Variants in TRIM58 observed in about 807,000 individuals in gnomAD.
TRIM58 encodes tripartite motif containing 58, also known as E3 ubiquitin-protein ligase TRIM58.
In TRIM58, 38 loss-of-function variants were observed where a neutral mutation model predicts 34.1. The observed-to-expected ratio is 1.12, with a 90% CI of 0.86 to 1.46. The LOEUF is 1.46. Among genes scored for constraint, TRIM58 ranks in the 40% most tolerant of loss-of-function variants. TRIM58 has a pLI of 0.00. For missense variants in TRIM58, 677 were observed against 642.0 expected (o/e 1.05, Z -0.59); for synonymous variants, 273 against 275.7 (o/e 0.99, Z 0.10).
intron 3 of TRIM58, among the ~76,000 whole-genome samples, chr1:247,865,803 A>G (rs912873383): frequency 5.3e-5 from 8 of 152,290 alleles, no homozygotes; most frequent in Admixed American, 1.3e-4. Context: ...ACCGACTCCT[A>G]TCTCCTCCCC....
In TRIM58 at chr1:247,860,820, A is replaced by G. The variant is rs530578838; in HGVS notation, c.516+108A>G. Reference sequence around the variant, plus strand: ...TCTCCAGCACTTTTGTTCCATCTCCATATATGCCCAAGAGCACCTCAGAGC... The same window carrying G: ...TCTCCAGCACTTTTGTTCCATCTCCGTATATGCCCAAGAGCACCTCAGAGC... On this transcript the variant is annotated intron_variant, in intron 2 of 5. Coordinates refer to ENST00000366481, the MANE Select transcript of TRIM58 (RefSeq NM_015431.4). The G allele has an allele frequency of 2.7e-5, 22 of 820,076 alleles. No individual in the cohort carries two copies. In the South Asian group the frequency reaches 3.4e-4, roughly 13 times the overall value. The allele number at this position is 820,076 out of a possible 1,614,324, so 50.8% of individuals were successfully genotyped here. A position where few individuals can be genotyped will look rare whatever the true frequency, so the allele number is the denominator to read the frequency against.
intron 5 of TRIM58, among the ~76,000 whole-genome samples, chr1:247,870,989 C>A (rs1463682918): frequency 8.3e-5 from 10 of 120,214 alleles, no homozygotes; most frequent in Admixed American, 5.0e-4. Flanking sequence ...ATCAGAGTCA[C>A]GGCCACCCAT....
chr1:247,862,479 T>C, intron 2 of TRIM58, among the ~76,000 whole-genome samples: 1 of 152,204 alleles, frequency 6.6e-6, no homozygotes, highest in East Asian at 1.9e-4. Context: ...CTTTACAGTA[T>C]TAAATAATGT....
rs114167920 is a variant in TRIM58 at position 247,869,875 on chromosome 1, C to T, written c.871+1812C>T. Among the ~76,000 whole-genome samples, 279 of 152,276 alleles carry T rather than the reference C, an allele frequency of 1.8e-3. 1 individual carries two copies. Among genetic ancestry groups the T allele is most frequent in the African/African-American group, 6.1e-3 (253 of 41,544 alleles). Reference sequence around the variant, plus strand: ...TCGCAGGAGAGTAATGACCCAATAACGCAGTGGGATACAGATGCTTATATA... The same window carrying T: ...TCGCAGGAGAGTAATGACCCAATAATGCAGTGGGATACAGATGCTTATATA... On this transcript the variant is annotated intron_variant, in intron 5 of 5. Coordinates refer to ENST00000366481, the MANE Select transcript of TRIM58 (RefSeq NM_015431.4).
At chr1:247,874,726 T>C (rs141627178) in intron 5 of TRIM58, among the ~76,000 whole-genome samples, 1 of 152,312 alleles carries the variant, frequency 6.6e-6, no homozygotes, top group African/African-American at 2.4e-5. Flanking sequence ...CCATACCATT[T>C]AGTAGCTCAT....
rs1441497480 is a variant in TRIM58, at chr1:247,879,594, C to T, written c.*3105C>T. Among the ~76,000 whole-genome samples the T allele has an allele frequency of 5.9e-5, 9 of 151,858 alleles. No individual in the cohort carries two copies. Among genetic ancestry groups the T allele is most frequent in the Admixed American group, 5.9e-4 (9 of 15,218 alleles). ...CCCTAGAGGATGTGAACCCCCAGGC[C>T]CTAGAGGATCTGAACCCCCATCCCT... On this transcript the variant is annotated 3_prime_UTR_variant, in exon 6 of 6. Transcript: ENST00000366481.
chr1:247,858,967 G>A (rs978444474), intron 1 of TRIM58, among the ~76,000 whole-genome samples: 1 of 151,886 alleles, frequency 6.6e-6, no homozygotes, highest in African/African-American at 2.4e-5. Context: ...GGGTTTCACT[G>A]TGTTGGCCAG....
Position 247,858,258 on chromosome 1 carries a change from C to T in TRIM58, c.420+592C>T, listed in dbSNP as rs188364921. ...GGGATTTGGGGACTTAGGATTCGAA[C>T]ATCCTCAATGAAGAGGTGCTTCATT... On this transcript the variant is annotated intron_variant, in intron 1 of 5. Transcript: ENST00000366481. Among the ~76,000 whole-genome samples the T allele has an allele frequency of 1.4e-3, 208 of 152,238 alleles. 1 individual carries two copies. The highest frequency in any genetic ancestry group is 3.4e-3 in the Middle Eastern group (1 of 294).
Position 247,857,553 on chromosome 1 carries a change from C to G in TRIM58, c.307C>G (p.Leu103Val). The G allele has an allele frequency of 7.9e-7, 1 of 1,273,336 alleles. No homozygotes were observed. The highest frequency in any genetic ancestry group is 9.9e-7 in the Non-Finnish European group (1 of 1,014,268). The allele number at this position is 1,273,336 out of a possible 1,614,324, so 78.9% of individuals were successfully genotyped here. The change falls in exon 1 of 6, where the codon CTG becomes GTG. Residue 103 changes from leucine to valine, a missense_variant. By Grantham distance (32) the Leu-to-Val change is conservative (BLOSUM62 1). Transcript: ENST00000366481. ...GCGATGCGCGCGGCACGGCGAGGAC[C>G]TGAGCCGCTTCTGCGAGGAGGACGA... The part of the protein sequence containing the change: ...ARRCARHGED[L>V]SRFCEEDEAA...
intron 2 of TRIM58, among the ~76,000 whole-genome samples, chr1:247,861,585 T>G (rs1663794141): frequency 6.6e-6 from 1 of 152,198 alleles, no homozygotes; most frequent in East Asian, 1.9e-4. Flanking sequence ...TGATATATAA[T>G]AGGTTATACT....
intron 3 of TRIM58, 101 bp downstream of exon 3, chr1:247,865,036 A>G: frequency 8.9e-7 from 1 of 1,125,084 alleles, no homozygotes; most frequent in South Asian, 1.6e-5. Context: ...TATGTTCTTT[A>G]GGAAAAGGGC....
chr1:247,866,707 A>G (rs1297514414), intron 3 of TRIM58, among the ~76,000 whole-genome samples: 7 of 152,100 alleles, frequency 4.6e-5, no homozygotes, highest in Admixed American at 3.3e-4. Context: ...GGATCAGGTG[A>G]TCCTTGTGCC....
chr1:247,873,897 T>TG (rs1298691861), intron 5 of TRIM58, among the ~76,000 whole-genome samples: 1 of 151,816 alleles, frequency 6.6e-6, no homozygotes, highest in Non-Finnish European at 1.5e-5. Context: ...GTCTGAGAGG[T>TG]GGAGGCTGCA....
chr1:247,874,887 A>G (rs1013686729), intron 5 of TRIM58, among the ~76,000 whole-genome samples: 1 of 152,148 alleles, frequency 6.6e-6, no homozygotes, highest in African/African-American at 2.4e-5. Context: ...GGTTGTTGGC[A>G]TAATACAATT....
At chr1:247,871,348 C>G (rs1234759444) in intron 5 of TRIM58, among the ~76,000 whole-genome samples, 5 of 152,024 alleles carry the variant, frequency 3.3e-5, no homozygotes, top group Non-Finnish European at 7.4e-5. Flanking sequence ...GTCAATAAAG[C>G]CAAAAATATT....
chr1:247,869,285 C>A (rs1219325897), intron 5 of TRIM58, among the ~76,000 whole-genome samples: 1 of 152,218 alleles, frequency 6.6e-6, no homozygotes, highest in African/African-American at 2.4e-5. Context: ...ACCAACCCAC[C>A]CTTAAGCCCC....
chr1:247,869,527 C>T (rs1384540439), intron 5 of TRIM58, among the ~76,000 whole-genome samples: 2 of 152,268 alleles, frequency 1.3e-5, no homozygotes, highest in Admixed American at 6.5e-5. Context: ...ACACACTTCA[C>T]AGTATCATAG....
At chr1:247,864,648 C>T in intron 2 of TRIM58, 57 bp from the exon 3 acceptor site, 1 of 1,571,150 alleles carries the variant, frequency 6.4e-7, no homozygotes, top group South Asian at 1.2e-5. Flanking sequence ...CAGCACTGTC[C>T]TGTACATGGC....
Position 247,879,900 on chromosome 1 carries a change from G to T in TRIM58, c.*3411G>T, listed in dbSNP as rs570097294. Among the ~76,000 whole-genome samples, 2 of 152,090 alleles carry T rather than the reference G, an allele frequency of 1.3e-5. No homozygotes were observed. The highest frequency in any genetic ancestry group is 4.8e-5 in the African/African-American group (2 of 41,508). ...TTTCCAGTCGCCCTTGCCAGGCTCA[G>T]TGGAGGCTCTTTGTTCCCCATACAG... On this transcript the variant is annotated 3_prime_UTR_variant, in exon 6 of 6. Coordinates refer to ENST00000366481, the MANE Select transcript of TRIM58 (RefSeq NM_015431.4).
Sources: gnomAD v4.1 joint callset for allele counts (sites outside exome capture counted in the v4.1 genomes callset) on GRCh38, gnomAD v4.1.1 for gene constraint, MANE v1.5 for transcripts, NCBI Gene and HGNC (gene_info 2026-07-23, HGNC 2026-07-21) for gene names.